PDSS2: variants seen among roughly 807,000 people sequenced by gnomAD.
PDSS2 encodes the protein all trans-polyprenyl-diphosphate synthase PDSS2.
PDSS2 carries 31 observed loss-of-function variants against 44.5 expected under a neutral mutation model. The observed-to-expected ratio is 0.70, with a 90% confidence interval of 0.52 to 0.94. The LOEUF (loss-of-function observed/expected upper bound fraction) is 0.94. Ranked by LOEUF, PDSS2 falls within the 40% of genes least tolerant of loss-of-function variation. The probability of loss-of-function intolerance (pLI) is 0.00; values close to 1 mark genes in which losing one functional copy is unlikely to be tolerated. For synonymous variants in PDSS2, 157 were observed against 180.3 expected, an observed-to-expected ratio of 0.87 and a Z score of 1.03; for missense variants, 452 against 482.2, an observed-to-expected ratio of 0.94 and a Z score of 0.59.
chr6:107,172,659 G>T (rs569054817), intron 7 of PDSS2, among the ~76,000 whole-genome samples: 6 of 152,074 alleles, frequency 3.9e-5, no homozygotes, highest in Non-Finnish European at 8.8e-5. Flanking sequence ...CTTCAAAAAG[G>T]GTTGTTAAAC....
At chr6:107,240,945 T>A (rs959424915) in intron 4 of PDSS2, among the ~76,000 whole-genome samples, 5 of 152,264 alleles carry the variant, frequency 3.3e-5, no homozygotes, top group African/African-American at 7.2e-5. Flanking sequence ...CTATTTTGTA[T>A]GTTTATATAG....
intron 1 of PDSS2, among the ~76,000 whole-genome samples, chr6:107,446,710 A>G (rs1294273672): frequency 6.6e-6 from 1 of 152,158 alleles, no homozygotes; most frequent in Non-Finnish European, 1.5e-5. Context: ...AATGAGTGCC[A>G]GTAGGGGAAA....
chr6:107,294,406 T>G (rs1776443123), intron 2 of PDSS2, among the ~76,000 whole-genome samples: 1 of 152,074 alleles, frequency 6.6e-6, no homozygotes, highest in Non-Finnish European at 1.5e-5. Flanking sequence ...AGAATTTTTT[T>G]TTTAATTAAA....
intron 6 of PDSS2, among the ~76,000 whole-genome samples, chr6:107,199,270 G>A (rs1043202580): frequency 3.3e-5 from 5 of 152,140 alleles, no homozygotes; most frequent in Non-Finnish European, 7.3e-5. Flanking sequence ...TTATATTCTA[G>A]GAGGTTACAA....
intron 1 of PDSS2, among the ~76,000 whole-genome samples, chr6:107,380,268 G>T (rs1196040183): frequency 6.6e-6 from 1 of 152,110 alleles, no homozygotes; most frequent in Non-Finnish European, 1.5e-5. Context: ...TGACGTGGTA[G>T]GAAGGTATTG....
intron 2 of PDSS2, among the ~76,000 whole-genome samples, chr6:107,275,660 T>C (rs1775755369): frequency 6.6e-6 from 1 of 152,202 alleles, no homozygotes; most frequent in South Asian, 2.1e-4. Context: ...TGATTTGCTA[T>C]GTAGCAACAG....
intron 1 of PDSS2, among the ~76,000 whole-genome samples, chr6:107,378,060 A>AATAAAT: frequency 6.7e-6 from 1 of 150,346 alleles, no homozygotes; most frequent in African/African-American, 2.4e-5. Flanking sequence ...TAAAAATAAA[A>AATAAAT]ATAAATAAAT....
At chr6:107,412,468 G>A (rs1003161944) in intron 1 of PDSS2, among the ~76,000 whole-genome samples, 2 of 151,732 alleles carry the variant, frequency 1.3e-5, no homozygotes, top group Admixed American at 6.6e-5. Context: ...TTGAACTTTT[G>A]ACCTCAGGTG....
At chr6:107,356,747 A>G (rs904317081) in intron 1 of PDSS2, among the ~76,000 whole-genome samples, 8 of 152,228 alleles carry the variant, frequency 5.3e-5, no homozygotes, top group Non-Finnish European at 5.9e-5. Flanking sequence ...TGTCAGTGAT[A>G]TAAAACATTA....
chr6:107,166,085 T>C (rs1771335311), intron 7 of PDSS2, among the ~76,000 whole-genome samples: 1 of 152,168 alleles, frequency 6.6e-6, no homozygotes, highest in African/African-American at 2.4e-5. Flanking sequence ...TGGGGTTTTC[T>C]AAATATACAA....
At chr6:107,267,167 T>G (rs936949535) in intron 3 of PDSS2, among the ~76,000 whole-genome samples, 3 of 152,202 alleles carry the variant, frequency 2.0e-5, no homozygotes, top group African/African-American at 7.2e-5. Flanking sequence ...TTTTCTAAGG[T>G]GGCAACTATA....
chr6:107,382,461 C>T (rs1013386267), intron 1 of PDSS2, among the ~76,000 whole-genome samples: 1 of 152,100 alleles, frequency 6.6e-6, no homozygotes, highest in African/African-American at 2.4e-5. Context: ...TACCATAAAA[C>T]TACAGCAATA....
intron 1 of PDSS2, among the ~76,000 whole-genome samples, chr6:107,378,534 C>T (rs377336830): frequency 3.3e-5 from 5 of 152,060 alleles, no homozygotes; most frequent in Admixed American, 2.6e-4. Context: ...ACCTGTAATC[C>T]CAGCACTTTG....
At chr6:107,199,997 A>G (rs1340970391) in intron 6 of PDSS2, among the ~76,000 whole-genome samples, 6 of 152,208 alleles carry the variant, frequency 3.9e-5, no homozygotes, top group African/African-American at 1.4e-4. Context: ...AAATTCAATG[A>G]TTTCATGAAA....
chr6:107,285,859 G>T (rs1261229198), intron 2 of PDSS2, among the ~76,000 whole-genome samples: 1 of 152,188 alleles, frequency 6.6e-6, no homozygotes, highest in African/African-American at 2.4e-5. Flanking sequence ...AGGATAGGGG[G>T]CTGGGCGCAC....
chr6:107,444,813 C>T (rs1172040913), intron 1 of PDSS2, among the ~76,000 whole-genome samples: 1 of 152,114 alleles, frequency 6.6e-6, no homozygotes, highest in Admixed American at 6.6e-5. Flanking sequence ...AAAGTCCCTA[C>T]AAAGGAATCA....
intron 3 of PDSS2, among the ~76,000 whole-genome samples, chr6:107,262,228 G>A (rs1036069665): frequency 7.9e-5 from 12 of 151,792 alleles, no homozygotes; most frequent in African/African-American, 2.2e-4. Flanking sequence ...TTTCTTTATC[G>A]CAATGCAAGA....
In PDSS2 at chr6:107,238,320, C is replaced by T. The variant is rs139954519; in HGVS notation, c.702+7228G>A. 2.7e-3 allele frequency among the ~76,000 whole-genome samples: 409 copies of T among 152,280 alleles called. 3 individuals are homozygous for T. The highest frequency in any genetic ancestry group is 8.8e-3 in the African/African-American group (365 of 41,562). On this transcript the variant is annotated intron_variant, in intron 4 of 7. Coordinates refer to ENST00000369037, the MANE Select transcript of PDSS2 (RefSeq NM_020381.4). ...CAGAAAATGAGTGTGTTCGGGATCT[C>T]CAAATCACCCCCAGGTTTGATGATT...
chr6:107,371,341 A>C lies in PDSS2; in HGVS notation c.297-37009T>G, dbSNP rs142524872. On this transcript the variant is annotated intron_variant, in intron 1 of 7. Coordinates refer to ENST00000369037, the MANE Select transcript of PDSS2 (RefSeq NM_020381.4). The stretch of plus-strand genomic sequence containing the variant: ...TTTCACCAAAGGATTGGGGTACTCG[A>C]AATTCAGGTGTATGGGAAAAGGAAA... Among the ~76,000 whole-genome samples, 777 of 152,322 alleles carry C rather than the reference A, an allele frequency of 5.1e-3. 2 individuals are homozygous for C. The highest frequency in any genetic ancestry group is 8.0e-3 in the Non-Finnish European group (541 of 68,026).
Sources: gnomAD v4.1 joint callset for allele counts (sites outside exome capture counted in the v4.1 genomes callset) on GRCh38, gnomAD v4.1.1 for gene constraint, MANE v1.5 for transcripts, NCBI Gene and HGNC (gene_info 2026-07-23, HGNC 2026-07-21) for gene names.